CHKA: variants seen among roughly 807,000 people sequenced by gnomAD.
The protein encoded by CHKA is choline kinase alpha, also known as CHETK-alpha.
Under a neutral mutation model 60.1 loss-of-function variants are expected in CHKA, and 34 were observed. That is an observed-to-expected ratio of 0.57 (90% confidence interval 0.43 to 0.75). The LOEUF (loss-of-function observed/expected upper bound fraction) is 0.75, where lower values mean the gene tolerates loss of function less well. CHKA is among the 30% of genes least tolerant of loss of function. The pLI is 0.00. For missense variants in CHKA, 563 were observed against 561.3 expected, an observed-to-expected ratio of 1.00 and a Z score of -0.03; for synonymous variants, 217 against 223.1, an observed-to-expected ratio of 0.97 and a Z score of 0.24.
At chr11:68,105,514 CAAAAAAAAAAAAAA>C (rs1170085830) in intron 1 of CHKA, among the ~76,000 whole-genome samples, 10 of 64,956 alleles carry the variant, frequency 1.5e-4, no homozygotes, top group African/African-American at 4.8e-4. Flanking sequence ...GACTCCATCT[CAAAAAAAAAAAAAA>C]AAAAAAAAAA....
chr11:68,066,733 C>A (rs1856457203), intron 7 of CHKA, among the ~76,000 whole-genome samples: 1 of 152,224 alleles, frequency 6.6e-6, no homozygotes, highest in South Asian at 2.1e-4. Flanking sequence ...GCCATGAGAA[C>A]CCCTGCTCAC....
rs1858651026 is a variant in CHKA at position 68,121,358 on chromosome 11, A to AC, written c.-182_-181insG. 5.7e-6 allele frequency: 1 copy of AC among 176,730 alleles called. No individual in the cohort carries two copies. Among genetic ancestry groups the AC allele is most frequent in the Non-Finnish European group, 9.8e-6 (1 of 102,416 alleles). 10.9% of individuals were successfully genotyped at this position (176,730 alleles called of 1,614,324 possible). On this transcript the variant is annotated 5_prime_UTR_variant, in exon 1 of 12. Transcript: ENST00000265689. Reference sequence around the variant, plus strand: ...CGACTGCGGCGACTGTGGAGCGGGGATGTGCTGCTGGCCGCTGCACTCGCT... The same window carrying AC: ...CGACTGCGGCGACTGTGGAGCGGGGACTGTGCTGCTGGCCGCTGCACTCGCT...
intron 1 of CHKA, among the ~76,000 whole-genome samples, chr11:68,098,425 T>C (rs760261399): frequency 6.6e-6 from 1 of 152,262 alleles, no homozygotes; most frequent in East Asian, 1.9e-4. Flanking sequence ...AACAAATTAC[T>C]ACAAATTTAG....
chr11:68,111,432 A>G (rs1403009716), intron 1 of CHKA, among the ~76,000 whole-genome samples: 3 of 151,352 alleles, frequency 2.0e-5, no homozygotes, highest in Admixed American at 2.0e-4. Flanking sequence ...AAAAAAAATG[A>G]GCCAGGTATG....
At position 68,053,486 on chromosome 11, in the gene CHKA, C is replaced by T. The variant is rs983438076; in HGVS notation, c.*502G>A. On this transcript the variant is annotated 3_prime_UTR_variant, in exon 12 of 12. Coordinates refer to ENST00000265689, the MANE Select transcript of CHKA (RefSeq NM_001277.3). ...TTCTGGAGGCCCCAGGCAGAGGCCA[C>T]CTTGCAGCAGTGACTGGCGACTTTG... 3.9e-5 allele frequency: 6 copies of T among 152,914 alleles called. No homozygotes were observed. The highest frequency in any genetic ancestry group is 1.4e-4 in the African/African-American group (6 of 41,466). 9.5% of individuals were successfully genotyped at this position (152,914 alleles called of 1,614,324 possible).
chr11:68,064,634 T>C lies in CHKA; in HGVS notation c.1126-3A>G. 1 of 1,527,800 alleles carries C rather than the reference T, an allele frequency of 6.5e-7. No homozygotes were observed. The allele number at this position is 1,527,800 out of a possible 1,614,324, so 94.6% of individuals were successfully genotyped here. A position where few individuals can be genotyped will look rare whatever the true frequency, so the allele number is the denominator to read the frequency against. ...AAGTAACTGGAAATAAAATGGAGCT[T>C]AAAAAAAAGTAATTGTGTTAGGATC... On this transcript the variant is annotated splice_polypyrimidine_tract_variant and splice_region_variant and intron_variant, in intron 9 of 11. Transcript: ENST00000265689.
intron 3 of CHKA, among the ~76,000 whole-genome samples, chr11:68,075,957 C>A (rs1325810014): frequency 6.6e-6 from 1 of 152,116 alleles, no homozygotes; most frequent in Admixed American, 6.5e-5. Flanking sequence ...AACACATTCA[C>A]GTTACCAAAA....
In CHKA at chr11:68,097,000, A is replaced by G. The variant is rs1445370008; in HGVS notation, c.462+19T>C. On this transcript the variant is annotated intron_variant, in intron 2 of 11. Transcript: ENST00000265689. ...ATGTTAACAGGATCCCCCCCTCCCAAAGTAGCCTACCAACTCACCATCTGC... is the reference window on the plus strand; with the variant it reads ...ATGTTAACAGGATCCCCCCCTCCCAGAGTAGCCTACCAACTCACCATCTGC... 1.3e-6 allele frequency: 2 copies of G among 1,579,082 alleles called. No homozygotes were observed. Among genetic ancestry groups the G allele is most frequent in the African/African-American group, 2.7e-5 (2 of 74,142 alleles).
At chr11:68,112,092 G>A (rs551640035) in intron 1 of CHKA, among the ~76,000 whole-genome samples, 2 of 20,284 alleles carry the variant, frequency 9.9e-5, no homozygotes, top group African/African-American at 4.5e-4. Flanking sequence ...CTGGAACAAC[G>A]GGACGTCCAC....
chr11:68,121,116 C>A lies in CHKA; in HGVS notation c.62G>T (p.Ser21Ile), dbSNP rs1858630856. 1 of 1,192,210 alleles carries A rather than the reference C, an allele frequency of 8.4e-7. No individual in the cohort carries two copies. Among genetic ancestry groups the A allele is most frequent in the East Asian group, 4.3e-5 (1 of 23,258 alleles). 73.9% of individuals were successfully genotyped at this position (1,192,210 alleles called of 1,614,324 possible). Residue 21 changes from serine to isoleucine, a missense_variant, in exon 1 of 12, where the codon AGC (serine) becomes ATC (isoleucine). Coordinates refer to ENST00000265689, the MANE Select transcript of CHKA (RefSeq NM_001277.3). ...AEPSPLGLLL[S>I]CGSGSAAPAP... ...CGGGGCCGCGCTGCCGCTACCGCAGCTCAGCAGCAGCCCGAGCGGCGAGGG... is the reference window on the plus strand; with the variant it reads ...CGGGGCCGCGCTGCCGCTACCGCAGATCAGCAGCAGCCCGAGCGGCGAGGG...
At chr11:68,074,858 T>C (rs1424289026) in intron 3 of CHKA, 28 bp from the exon 4 acceptor site, 1 of 1,607,074 alleles carries the variant, frequency 6.2e-7, no homozygotes, top group Admixed American at 1.7e-5. Flanking sequence ...AAATCAGGTG[T>C]TTACTGAGTG....
At chr11:68,054,774 C>A (rs558876670) in intron 11 of CHKA, among the ~76,000 whole-genome samples, 1 of 152,210 alleles carries the variant, frequency 6.6e-6, no homozygotes, top group African/African-American at 2.4e-5. Flanking sequence ...TCTCCACCAC[C>A]GCAGTCAGGA....
At chr11:68,114,072 C>T (rs544324464) in intron 1 of CHKA, among the ~76,000 whole-genome samples, 15 of 151,980 alleles carry the variant, frequency 9.9e-5, no homozygotes, top group Non-Finnish European at 2.1e-4. Context: ...GCTGACACCA[C>T]CAAATGCTAG....
intron 1 of CHKA, among the ~76,000 whole-genome samples, chr11:68,109,939 G>A (rs1436187237): frequency 1.3e-5 from 2 of 152,086 alleles, no homozygotes; most frequent in South Asian, 2.1e-4. Flanking sequence ...GTGACAGAGC[G>A]AGACTCTGTC....
At chr11:68,098,419 A>G (rs1857585899) in intron 1 of CHKA, among the ~76,000 whole-genome samples, 1 of 152,122 alleles carries the variant, frequency 6.6e-6, no homozygotes, top group Non-Finnish European at 1.5e-5. Flanking sequence ...TGCTATAACA[A>G]ATTACTACAA....
chr11:68,100,137 C>T (rs75771637), intron 1 of CHKA, among the ~76,000 whole-genome samples: 2,924 of 152,142 alleles, frequency 0.019, 100 homozygotes, highest in African/African-American at 0.066. Flanking sequence ...GGAAGAAATG[C>T]CAGAAATGGT....
At chr11:68,115,284 C>T (rs1162144324) in intron 1 of CHKA, among the ~76,000 whole-genome samples, 1 of 152,238 alleles carries the variant, frequency 6.6e-6, no homozygotes, top group Non-Finnish European at 1.5e-5. Flanking sequence ...TTGAAGTAAG[C>T]TCATCATGTA....
At chr11:68,111,407 C>T (rs1412180264) in intron 1 of CHKA, among the ~76,000 whole-genome samples, 1 of 148,728 alleles carries the variant, frequency 6.7e-6, no homozygotes, top group Non-Finnish European at 1.5e-5. Flanking sequence ...AGCCAAACTC[C>T]ATCTCAAGAA....
chr11:68,079,816 G>A (rs947712213), intron 3 of CHKA, among the ~76,000 whole-genome samples: 42 of 152,268 alleles, frequency 2.8e-4, no homozygotes, highest in Middle Eastern at 3.4e-3. Context: ...GTTCCAAGTC[G>A]AGGTCAGGGC....
Sources: gnomAD v4.1 joint callset for allele counts (sites outside exome capture counted in the v4.1 genomes callset) on GRCh38, gnomAD v4.1.1 for gene constraint, MANE v1.5 for transcripts, NCBI Gene and HGNC (gene_info 2026-07-23, HGNC 2026-07-21) for gene names.